Variants in MTA3 observed in about 807,000 individuals in gnomAD.
MTA3 encodes the protein metastasis-associated protein MTA3.
A neutral mutation model predicts 83.5 loss-of-function variants in MTA3; 34 were observed. That is an observed-to-expected ratio of 0.41 (90% confidence interval 0.31 to 0.54). The LOEUF is 0.54. MTA3 is among the 20% of genes least tolerant of loss of function. The pLI, the probability that MTA3 is intolerant of heterozygous loss-of-function variation, is 0.33. For missense variants in MTA3, 761 were observed against 726.4 expected, an observed-to-expected ratio of 1.05 and a Z score of -0.55; for synonymous variants, 303 against 252.7, an observed-to-expected ratio of 1.20 and a Z score of -1.89.
chr2:42,615,586 C>A (rs953293946), intron 4 of MTA3, among the ~76,000 whole-genome samples: 2 of 151,830 alleles, frequency 1.3e-5, no homozygotes, highest in Non-Finnish European at 2.9e-5. Context: ...GATCTCATGA[C>A]CTTGTGATCC....
intron 4 of MTA3, among the ~76,000 whole-genome samples, chr2:42,634,012 T>G (rs903213794): frequency 6.6e-6 from 1 of 152,162 alleles, no homozygotes; most frequent in African/African-American, 2.4e-5. Flanking sequence ...GGGAGTGATA[T>G]TGTATCCCAG....
At position 42,622,079 on chromosome 2, in the gene MTA3, G is replaced by T. The variant is rs567774382; in HGVS notation, c.317+12495G>T. ...GGCTGGGAGGTGGAGGTTGTAGCGA[G>T]CCGAGATCACGCCACTGCACTCCAG... On this transcript the variant is annotated intron_variant, in intron 4 of 16. Transcript: ENST00000405094. Among the ~76,000 whole-genome samples the T allele has an allele frequency of 1.4e-3, 206 of 152,260 alleles. 2 individuals are homozygous for T. The East Asian group carries it at 0.024, about 17-fold the overall frequency.
At chr2:42,532,725 T>G (rs1449954025) in intron 2 of MTA3, 2 of 198,612 alleles carry the variant, frequency 1.0e-5, no homozygotes, top group Non-Finnish European at 2.0e-5. Flanking sequence ...AGAAACATTT[T>G]TACAATCCAG....
intron 2 of MTA3, among the ~76,000 whole-genome samples, chr2:42,544,868 TA>T (rs1676688226): frequency 6.6e-6 from 1 of 152,212 alleles, no homozygotes; most frequent in Non-Finnish European, 1.5e-5. Context: ...GATTAATGCT[TA>T]ATTTTAACTA....
chr2:42,755,765 G>A lies in MTA3; in HGVS notation c.*2366G>A, dbSNP rs1416982852. On this transcript the variant is annotated 3_prime_UTR_variant, in exon 17 of 17. Transcript: ENST00000405094. ...TGTCCCTGCTGTGTGTCAGTGGCAT[G>A]TCACTGTGGTTCAGTGAGCACATGG... 16 of 985,464 alleles carry A rather than the reference G, an allele frequency of 1.6e-5. No individual in the cohort carries two copies. The highest frequency in any genetic ancestry group is 1.8e-5 in the Non-Finnish European group (15 of 830,060). The allele number at this position is 985,464 out of a possible 1,614,324, so 61.0% of individuals were successfully genotyped here.
chr2:42,582,655 G>A (rs1448922677), intron 3 of MTA3, among the ~76,000 whole-genome samples: 1 of 152,136 alleles, frequency 6.6e-6, no homozygotes, highest in African/African-American at 2.4e-5. Context: ...CAAAAATAGT[G>A]AGAGGAAATG....
At chr2:42,664,095 C>G (rs973975043) in intron 8 of MTA3, among the ~76,000 whole-genome samples, 1 of 152,102 alleles carries the variant, frequency 6.6e-6, no homozygotes, top group African/African-American at 2.4e-5. Flanking sequence ...TACCCTTCCA[C>G]CTCATTTTTG....
chr2:42,612,000 G>C (rs916354035), intron 4 of MTA3, among the ~76,000 whole-genome samples: 3 of 152,140 alleles, frequency 2.0e-5, no homozygotes, highest in Admixed American at 2.0e-4. Flanking sequence ...ACTATGGTTA[G>C]ATTTGCTAGG....
chr2:42,752,001 C>G (rs1479924925), intron 16 of MTA3, among the ~76,000 whole-genome samples: 1 of 152,196 alleles, frequency 6.6e-6, no homozygotes, highest in Non-Finnish European at 1.5e-5. Flanking sequence ...GGTCTACATT[C>G]AAATCTTGAC....
intron 1 of MTA3, 114 bp downstream of exon 1, chr2:42,568,887 T>C (rs1370123180): frequency 6.7e-6 from 7 of 1,046,756 alleles, no homozygotes; most frequent in Non-Finnish European, 1.2e-6. Context: ...GAGGTCGCAG[T>C]GGGCTGGGGC....
At chr2:42,543,672 G>A (rs1317752827) in intron 2 of MTA3, among the ~76,000 whole-genome samples, 4 of 124,818 alleles carry the variant, frequency 3.2e-5, no homozygotes, top group African/African-American at 1.2e-4. Flanking sequence ...TTTTTGTACA[G>A]ACAGGGTCTT....
At chr2:42,534,781 T>C (rs1339874850) in intron 2 of MTA3, among the ~76,000 whole-genome samples, 1 of 152,130 alleles carries the variant, frequency 6.6e-6, no homozygotes, top group Non-Finnish European at 1.5e-5. Context: ...AACCTAACTA[T>C]TAGCGTTGTG....
intron 8 of MTA3, among the ~76,000 whole-genome samples, chr2:42,668,340 T>C (rs926368251): frequency 1.3e-5 from 2 of 152,202 alleles, no homozygotes; most frequent in South Asian, 2.1e-4. Context: ...TTTGCAAACA[T>C]TGGGCCCTTC....
At chr2:42,731,796 C>T (rs909819112) in intron 16 of MTA3, among the ~76,000 whole-genome samples, 1 of 152,188 alleles carries the variant, frequency 6.6e-6, no homozygotes, top group African/African-American at 2.4e-5. Context: ...AGTCCAGTCT[C>T]ATTTGAGTCA....
chr2:42,495,514 A>T (rs1674091967), intron 2 of MTA3, among the ~76,000 whole-genome samples: 1 of 152,210 alleles, frequency 6.6e-6, no homozygotes. Context: ...TTAAACAAGA[A>T]AAATATCTGT....
intron 2 of MTA3, among the ~76,000 whole-genome samples, chr2:42,512,756 G>A (rs1455285309): frequency 6.6e-6 from 1 of 152,172 alleles, no homozygotes; most frequent in Non-Finnish European, 1.5e-5. Context: ...CACTGTACCA[G>A]TGGTCTACCT....
chr2:42,667,615 G>C (rs1233428148), intron 8 of MTA3, among the ~76,000 whole-genome samples: 1 of 42,988 alleles, frequency 2.3e-5, no homozygotes, highest in Admixed American at 3.0e-4. Flanking sequence ...TGTGTATAGA[G>C]AGAGAAAGAG....
chr2:42,619,101 A>G (rs919228065), intron 4 of MTA3, among the ~76,000 whole-genome samples: 1 of 152,140 alleles, frequency 6.6e-6, no homozygotes, highest in African/African-American at 2.4e-5. Context: ...CGTGAGAAAT[A>G]ATGATTGCAA....
intron 4 of MTA3, among the ~76,000 whole-genome samples, chr2:42,622,131 A>C (rs1361806790): frequency 6.6e-6 from 1 of 152,192 alleles, no homozygotes; most frequent in East Asian, 1.9e-4. Flanking sequence ...CACTGAGTGA[A>C]CCAGAGTCCG....
Sources: allele counts gnomAD v4.1 joint callset (sites outside exome capture counted in the v4.1 genomes callset), GRCh38; gene constraint gnomAD v4.1.1; transcripts MANE v1.5; gene names NCBI Gene and HGNC (gene_info 2026-07-23, HGNC 2026-07-21).